Variants in USP3 observed in about 807,000 individuals in gnomAD.
The protein encoded by USP3 is ubiquitin carboxyl-terminal hydrolase 3.
USP3 carries 20 observed loss-of-function variants against 72.3 expected under a neutral mutation model. The observed-to-expected ratio is 0.28, with a 90% CI of 0.19 to 0.40. USP3 has a LOEUF of 0.40. Ranked by LOEUF, USP3 falls within the 10% of genes least tolerant of loss-of-function variation. The pLI is 1.00. For missense variants in USP3, 479 were observed against 633.9 expected, an observed-to-expected ratio of 0.76 and a Z score of 2.62; for synonymous variants, 222 against 225.3, an observed-to-expected ratio of 0.99 and a Z score of 0.13.
chr15:63,529,032 G>A lies in USP3; in HGVS notation c.92-3615G>A, dbSNP rs1454117858. Reference sequence around the variant, plus strand: ...TTTCTAGCCTTCAAATGTTTATCTGGTGTGACTGTATTATGCCCTCAGAGA... The same window carrying A: ...TTTCTAGCCTTCAAATGTTTATCTGATGTGACTGTATTATGCCCTCAGAGA... On this transcript the variant is annotated intron_variant, in intron 1 of 14. Coordinates refer to ENST00000380324, the MANE Select transcript of USP3 (RefSeq NM_006537.4). The surrounding 1 kb of genome is among the most constrained non-coding windows in gnomAD (Gnocchi z 4.2). 1 of 1,288,880 alleles carries A rather than the reference G, an allele frequency of 7.8e-7. No homozygotes were observed. Among genetic ancestry groups the A allele is most frequent in the Admixed American group, 2.3e-5 (1 of 43,520 alleles). The allele number at this position is 1,288,880 out of a possible 1,614,324, so 79.8% of individuals were successfully genotyped here.
intron 9 of USP3, among the ~76,000 whole-genome samples, chr15:63,571,439 T>C (rs1178085165): frequency 1.3e-5 from 2 of 152,208 alleles, no homozygotes; most frequent in African/African-American, 2.4e-5. Context: ...CCAATGTGAA[T>C]TGCCATACTT....
At chr15:63,564,562 T>C (rs72625754) in intron 8 of USP3, among the ~76,000 whole-genome samples, 18,860 of 152,258 alleles carry the variant, frequency 0.12, 2,007 homozygotes, top group East Asian at 0.52. Context: ...TGTAAATCTT[T>C]CCACATCTCT....
intron 2 of USP3, among the ~76,000 whole-genome samples, chr15:63,535,119 TG>T (rs1198235160): frequency 2.0e-5 from 3 of 152,078 alleles, no homozygotes; most frequent in Non-Finnish European, 4.4e-5. Context: ...TTAGTAGAGA[TG>T]GGGTTTCACC....
At chr15:63,532,438 T>C in intron 1 of USP3, 2 of 607,860 alleles carry the variant, frequency 3.3e-6, no homozygotes, top group South Asian at 3.9e-5. Context: ...GCAATTAAAA[T>C]GAGCCGCTGT....
chr15:63,561,338 G>A (rs577940859), intron 7 of USP3, among the ~76,000 whole-genome samples: 59 of 152,300 alleles, frequency 3.9e-4, no homozygotes, highest in African/African-American at 1.4e-3. Context: ...GGAATTTACT[G>A]CAGGGCTATT....
At chr15:63,589,927 G>T (rs972496961) in intron 14 of USP3, among the ~76,000 whole-genome samples, 1 of 149,254 alleles carries the variant, frequency 6.7e-6, no homozygotes, top group Non-Finnish European at 1.5e-5. Context: ...CAACTTTTTC[G>T]TAACAGCCTA....
At chr15:63,527,007 G>A (rs182738485) in intron 1 of USP3, among the ~76,000 whole-genome samples, 5 of 152,128 alleles carry the variant, frequency 3.3e-5, no homozygotes, top group Non-Finnish European at 5.9e-5. Flanking sequence ...GGATTCTCCC[G>A]CCTCAGCCTC....
chr15:63,565,555 T>C (rs1231691904), intron 8 of USP3, among the ~76,000 whole-genome samples: 2 of 152,244 alleles, frequency 1.3e-5, no homozygotes, highest in African/African-American at 2.4e-5. Flanking sequence ...TAGCCATTCA[T>C]TCTGTTTTCT....
intron 1 of USP3, among the ~76,000 whole-genome samples, chr15:63,526,934 G>T (rs576418055): frequency 6.6e-6 from 1 of 152,080 alleles, no homozygotes; most frequent in Non-Finnish European, 1.5e-5. Flanking sequence ...TTGCTTTGTC[G>T]CCCAGACTGG....
chr15:63,551,965 G>T (rs1476974074), intron 3 of USP3: 1 of 152,042 alleles, frequency 6.6e-6, no homozygotes, highest in Non-Finnish European at 1.5e-5. Context: ...ATACCAGAAA[G>T]GATTACCTTA....
At chr15:63,556,984 A>G (rs2066521363) in intron 5 of USP3, 1 of 370,026 alleles carries the variant, frequency 2.7e-6, no homozygotes, top group South Asian at 4.0e-5. Context: ...TCTTCCCTAG[A>G]AAACAGTTCA....
In USP3 at chr15:63,594,477, C is replaced by G. The variant is rs1009928567; in HGVS notation, c.*3651C>G. The G allele has an allele frequency of 1.3e-5, 2 of 152,140 alleles. No homozygotes were observed. The highest frequency in any genetic ancestry group is 2.9e-5 in the Non-Finnish European group (2 of 68,018). The allele number at this position is 152,140 out of a possible 1,614,324, so 9.4% of individuals were successfully genotyped here. On this transcript the variant is annotated 3_prime_UTR_variant, in exon 15 of 15. Coordinates refer to ENST00000380324, the MANE Select transcript of USP3 (RefSeq NM_006537.4). The stretch of plus-strand genomic sequence containing the variant: ...CTGCCTTCCATGAGTGTTGGTCATG[C>G]TATGATGTCATCATTTGCCATTAAA...
At chr15:63,567,760 C>T (rs934482979) in intron 8 of USP3, among the ~76,000 whole-genome samples, 11 of 152,190 alleles carry the variant, frequency 7.2e-5, no homozygotes, top group Admixed American at 2.6e-4. Context: ...GGATTTGAGG[C>T]GTGAGCCACC....
At position 63,528,436 on chromosome 15, in the gene USP3, C is replaced by T. The variant is rs2066017339; in HGVS notation, c.92-4211C>T. ...TTTTAAGCCTTCACAAGTGTCTATC[C>T]TTATCACCCTTTCTCTCATGTACCA... On this transcript the variant is annotated intron_variant, in intron 1 of 14. Transcript: ENST00000380324. The surrounding 1 kb of genome is among the most constrained non-coding windows in gnomAD (Gnocchi z 4.3). Among the ~76,000 whole-genome samples the T allele has an allele frequency of 6.6e-6, 1 of 152,138 alleles. No individual in the cohort carries two copies. Among genetic ancestry groups the T allele is most frequent in the African/African-American group, 2.4e-5 (1 of 41,412 alleles).
chr15:63,590,860 CAG>C lies in USP3; in HGVS notation c.*38_*39del. On this transcript the variant is annotated 3_prime_UTR_variant, in exon 15 of 15. Coordinates refer to ENST00000380324, the MANE Select transcript of USP3 (RefSeq NM_006537.4). ...CCAAATCATCATTCACCAACCATAC[CAG>C]AGAAACATTTCCAGTTTTCCACAAA... is the stretch of plus-strand genomic sequence containing the variant. 6.4e-7 allele frequency: 1 copy of C among 1,564,734 alleles called. No homozygotes were observed. The highest frequency in any genetic ancestry group is 8.7e-7 in the Non-Finnish European group (1 of 1,155,122).
In USP3 at chr15:63,592,104, A is replaced by T. The variant is rs1057240451; in HGVS notation, c.*1278A>T. On this transcript the variant is annotated 3_prime_UTR_variant, in exon 15 of 15. Transcript: ENST00000380324. ...TTTTTTTTTTGTATTTTTAGTAAAG[A>T]CGGGGGTTTACCATGTTGGCTAGGG... The T allele has an allele frequency of 6.6e-6, 1 of 151,872 alleles. No homozygotes were observed. The highest frequency in any genetic ancestry group is 1.5e-5 in the Non-Finnish European group (1 of 67,998). 9.4% of individuals were successfully genotyped at this position (151,872 alleles called of 1,614,324 possible).
chr15:63,523,614 G>C (rs748307988), intron 1 of USP3, among the ~76,000 whole-genome samples: 8 of 152,182 alleles, frequency 5.3e-5, no homozygotes, highest in Non-Finnish European at 8.8e-5. Context: ...GAGTTTCCTG[G>C]TCACTGTGCC....
chr15:63,591,618 G>A lies in USP3; in HGVS notation c.*792G>A, dbSNP rs538405745. On this transcript the variant is annotated 3_prime_UTR_variant, in exon 15 of 15. Coordinates refer to ENST00000380324, the MANE Select transcript of USP3 (RefSeq NM_006537.4). ...GTTACCAGTGAGGTAAAGCCATGGC[G>A]TCTGCCTCCTTTTGAATCAGTATCT... is the stretch of plus-strand genomic sequence containing the variant. The A allele has an allele frequency of 4.6e-5, 7 of 152,190 alleles. No individual in the cohort carries two copies. Among genetic ancestry groups the A allele is most frequent in the African/African-American group, 1.4e-4 (6 of 41,430 alleles). 9.4% of individuals were successfully genotyped at this position (152,190 alleles called of 1,614,324 possible).
rs189820564 is a variant in USP3 at position 63,519,361 on chromosome 15, A to G, written c.92-13286A>G. 3.2e-4 allele frequency among the ~76,000 whole-genome samples: 49 copies of G among 150,856 alleles called. No individual in the cohort carries two copies. The East Asian group carries it at 9.3e-3, about 29-fold the overall frequency. On this transcript the variant is annotated intron_variant, in intron 1 of 14. Transcript: ENST00000380324. ...TTTTTTTTTCTATTCTAACATCATA[A>G]TGTCTTGTTATTTTTGAAGAGTTCA...
Sources: gnomAD v4.1 joint callset for allele counts (sites outside exome capture counted in the v4.1 genomes callset) on GRCh38, gnomAD v4.1.1 for gene constraint, Gnocchi (gnomAD v3.1) non-coding constraint, MANE v1.5 for transcripts, NCBI Gene and HGNC (gene_info 2026-07-23, HGNC 2026-07-21) for gene names.